The following ZCCHC14 variants were observed in gnomAD, a reference collection of about 807,000 sequenced individuals.
ZCCHC14 encodes the protein zinc finger CCHC-type containing 14, also known as zinc finger CCHC domain-containing protein 14.
In ZCCHC14, 16 loss-of-function variants were observed where a neutral mutation model predicts 85.0. The observed-to-expected ratio is 0.19, with a 90% CI of 0.13 to 0.29. The LOEUF (loss-of-function observed/expected upper bound fraction) is 0.29, where lower values mean the gene tolerates loss of function less well. Among genes scored for constraint, ZCCHC14 ranks in the 10% least tolerant of loss-of-function variants. The pLI, the probability that ZCCHC14 is intolerant of heterozygous loss-of-function variation, is 1.00. For missense variants in ZCCHC14, 1,303 were observed against 1,443.5 expected, an observed-to-expected ratio of 0.90 and a Z score of 1.58; for synonymous variants, 775 against 630.7, an observed-to-expected ratio of 1.23 and a Z score of -3.43.
Position 87,412,547 on chromosome 16 carries a change from A to G in ZCCHC14, c.2174T>C (p.Val725Ala). The G allele has an allele frequency of 5.0e-6, 8 of 1,613,992 alleles. No individual in the cohort carries two copies. The highest frequency in any genetic ancestry group is 1.3e-5 in the African/African-American group (1 of 75,002). Residue 725 changes from valine (V) to alanine (A), a missense_variant, in exon 12 of 13, where the codon GTC (valine) becomes GCC (alanine). Val to Ala is a moderately conservative substitution (Grantham distance 64). Around this residue, in one of 7 missense-constraint regions of ZCCHC14, gnomAD observed 797 missense variants for 730.8 expected, o/e 1.09. Transcript: ENST00000671377. ...LSESSSMSPT[V>A]SFGPRTKVVH... The stretch of plus-strand genomic sequence containing the variant: ...GACTTTGGTCCGGGGACCAAAGGAG[A>G]CTGTGGGTGACATGGAGCTGCTCTC...
chr16:87,425,682 G>T (rs906111225), intron 3 of ZCCHC14, among the ~76,000 whole-genome samples: 2 of 152,112 alleles, frequency 1.3e-5, no homozygotes, highest in East Asian at 1.9e-4. Flanking sequence ...TTGGGGAGAG[G>T]TTCCTAAGCT....
chr16:87,411,918 C>T lies in ZCCHC14; in HGVS notation c.2803G>A (p.Gly935Ser), dbSNP rs751704229. ...TAGCTGACAGTCAGGCCACTCGAGC[C>T]GCAGCTGCCGCTGCAGCCACAGGAC... Reference protein sequence around the residue: ...CTSCGCSGSCGSSGLTVSYAN... With the variant: ...CTSCGCSGSCSSSGLTVSYAN... The change falls in exon 12 of 13, where the codon GGC (glycine) becomes AGC (serine). Residue 935 changes from glycine to serine, a missense_variant. By Grantham distance (56) the Gly-to-Ser change is moderately conservative (BLOSUM62 0). This residue lies in a region of ZCCHC14 where 797 missense variants were observed against 730.8 expected (regional missense o/e 1.09). Coordinates refer to ENST00000671377, the MANE Select transcript of ZCCHC14 (RefSeq NM_015144.3). The T allele has an allele frequency of 6.9e-6, 11 of 1,600,954 alleles. No homozygotes were observed. Among genetic ancestry groups the T allele is most frequent in the South Asian group, 1.1e-5 (1 of 90,074 alleles).
intron 1 of ZCCHC14, among the ~76,000 whole-genome samples, chr16:87,482,729 G>C (rs1209290154): frequency 1.3e-5 from 2 of 152,228 alleles, no homozygotes; most frequent in African/African-American, 4.8e-5. Flanking sequence ...TCAGATCTGG[G>C]AGGGAGAGCA....
At chr16:87,437,165 C>T (rs1374139884) in intron 2 of ZCCHC14, among the ~76,000 whole-genome samples, 2 of 151,668 alleles carry the variant, frequency 1.3e-5, no homozygotes, top group Middle Eastern at 3.2e-3. Flanking sequence ...GGAGAAACTC[C>T]GTCTCTAGTA....
chr16:87,468,751 C>G (rs1441528704), intron 1 of ZCCHC14, among the ~76,000 whole-genome samples: 10 of 152,222 alleles, frequency 6.6e-5, no homozygotes, highest in Admixed American at 2.0e-4. Flanking sequence ...TGGGGATTCT[C>G]GTGGCATGCA....
intron 2 of ZCCHC14, among the ~76,000 whole-genome samples, chr16:87,440,544 GGAAGTATCCAGA>G (rs1269391429): frequency 6.6e-6 from 1 of 152,066 alleles, no homozygotes; most frequent in Non-Finnish European, 1.5e-5. Context: ...CACCAAACAG[GGAAGTATCCAGA>G]GGTCACTGGC....
At chr16:87,433,063 T>C in intron 3 of ZCCHC14, 65 bp downstream of exon 3, 1 of 1,523,160 alleles carries the variant, frequency 6.6e-7, no homozygotes, top group Non-Finnish European at 9.1e-7. Flanking sequence ...AGGAAAAGCA[T>C]CTCCAGGGTA....
In ZCCHC14 at chr16:87,420,636, T is replaced by G; in HGVS notation, c.921A>C (p.Arg307=). ...GGCCTGAGTCCAGATCCACGTGGTT[T>G]CGCTCCACATAAAATGCGTCCGGAC... ...LAGPDAFYVE[R]NHVDLDSGLR... is the part of the protein sequence containing the mutation. The change falls in exon 5 of 13, where the codon CGA becomes CGC. Residue 307 remains arginine (R), a synonymous_variant. Transcript: ENST00000671377. This position sits in a 1 kb window ranked among gnomAD's most constrained non-coding sequence, Gnocchi z 5.0. 1 of 1,613,870 alleles carries G rather than the reference T, an allele frequency of 6.2e-7. No individual in the cohort carries two copies. Among genetic ancestry groups the G allele is most frequent in the Non-Finnish European group, 8.5e-7 (1 of 1,179,890 alleles).
In ZCCHC14 at chr16:87,415,248, C is replaced by A. The variant is rs377184730; in HGVS notation, c.1475+28G>T. 33 of 1,607,240 alleles carry A rather than the reference C, an allele frequency of 2.1e-5. No individual in the cohort carries two copies. The African/African-American group carries it at 3.6e-4, about 18-fold the overall frequency. ...GGCACACGAGAAATGGAAATAAACA[C>A]AGGTTTCAAAACCCACTTCACACTC... is the stretch of plus-strand genomic sequence containing the variant. On this transcript the variant is annotated intron_variant, in intron 9 of 12. Transcript: ENST00000671377.
At chr16:87,450,746 G>A (rs887007865) in intron 2 of ZCCHC14, among the ~76,000 whole-genome samples, 1 of 151,906 alleles carries the variant, frequency 6.6e-6, no homozygotes, top group Admixed American at 6.6e-5. Context: ...TGTAGAGACG[G>A]ATTTTCACCA....
At chr16:87,431,198 G>C (rs913140662) in intron 3 of ZCCHC14, among the ~76,000 whole-genome samples, 6 of 147,892 alleles carry the variant, frequency 4.1e-5, no homozygotes, top group Non-Finnish European at 7.5e-5. Context: ...AAAAGGCCAG[G>C]TACAGTGGCT....
intron 2 of ZCCHC14, among the ~76,000 whole-genome samples, chr16:87,452,992 C>G (rs1219062435): frequency 1.3e-5 from 2 of 152,226 alleles, no homozygotes; most frequent in Admixed American, 1.3e-4. Context: ...AGGCTGAATA[C>G]AGAGGGGGAC....
At position 87,409,098 on chromosome 16, in the gene ZCCHC14, C is replaced by G. The variant is rs1908324830; in HGVS notation, c.*1182G>C. 6.6e-6 allele frequency: 1 copy of G among 152,404 alleles called. No homozygotes were observed. Among genetic ancestry groups the G allele is most frequent in the Admixed American group, 6.5e-5 (1 of 15,274 alleles). The allele number at this position is 152,404 out of a possible 1,614,324, so 9.4% of individuals were successfully genotyped here. ...AGACTTGCACAGATCTCGCAGCTCT[C>G]GGGTGTGTGGCCTCTTCCAGAGTCC... On this transcript the variant is annotated 3_prime_UTR_variant, in exon 13 of 13. Coordinates refer to ENST00000671377, the MANE Select transcript of ZCCHC14 (RefSeq NM_015144.3).
intron 1 of ZCCHC14, among the ~76,000 whole-genome samples, chr16:87,490,192 G>A (rs1912689891): frequency 6.6e-6 from 1 of 152,060 alleles, no homozygotes; most frequent in Non-Finnish European, 1.5e-5. Flanking sequence ...CTTCTTACAG[G>A]AAGACATTAA....
intron 1 of ZCCHC14, 109 bp from the exon 2 acceptor site, chr16:87,460,240 C>T (rs779319404): frequency 1.2e-4 from 172 of 1,379,094 alleles, no homozygotes; most frequent in Non-Finnish European, 1.6e-4. Flanking sequence ...CATTTTTCTA[C>T]AAAACATGTA....
Position 87,420,656 on chromosome 16 carries a change from C to G in ZCCHC14, c.901G>C (p.Asp301His). The change falls in exon 5 of 13, where the codon GAC (aspartate) becomes CAC (histidine). Residue 301 changes from aspartate (D) to histidine (H), a missense_variant. Asp to His is a moderately conservative substitution (Grantham distance 81). Transcript: ENST00000671377. The surrounding 1 kb of genome is among the most constrained non-coding windows in gnomAD (Gnocchi z 5.0). ...EKLIPCLAGP[D>H]AFYVERNHVD... is the part of the protein sequence containing the mutation. ...TGGTTTCGCTCCACATAAAATGCGT[C>G]CGGACCAGCTAAGCAAGGAATGAGT... 1 of 1,613,992 alleles carries G rather than the reference C, an allele frequency of 6.2e-7. No homozygotes were observed. Among genetic ancestry groups the G allele is most frequent in the Non-Finnish European group, 8.5e-7 (1 of 1,179,936 alleles).
intron 1 of ZCCHC14, chr16:87,467,175 C>A (rs973431771): frequency 3.7e-6 from 5 of 1,360,706 alleles, no homozygotes; most frequent in African/African-American, 2.9e-5. Context: ...TCTGCTTTCT[C>A]CTCTGGCGGG....
intron 1 of ZCCHC14, chr16:87,473,105 C>CCT (rs1313885901): frequency 1.3e-5 from 2 of 152,218 alleles, no homozygotes. Context: ...CAGCCAGCAC[C>CCT]CTCTCCATTG....
At chr16:87,458,309 A>G (rs1376735345) in intron 2 of ZCCHC14, among the ~76,000 whole-genome samples, 1 of 151,810 alleles carries the variant, frequency 6.6e-6, no homozygotes. Flanking sequence ...CAGCGGAGGG[A>G]CTCCCTGCAA....
Sources: gnomAD v4.1 joint callset for allele counts (sites outside exome capture counted in the v4.1 genomes callset) on GRCh38, gnomAD v4.1.1 for gene constraint, gnomAD v4.1.1 regional missense constraint, Gnocchi (gnomAD v3.1) non-coding constraint, MANE v1.5 for transcripts, NCBI Gene and HGNC (gene_info 2026-07-23, HGNC 2026-07-21) for gene names.